Variants in BSPH1 observed in about 807,000 individuals in gnomAD.
BSPH1 encodes binder of sperm 1.
BSPH1 carries 21 observed loss-of-function variants against 22.5 expected under a neutral mutation model. That is an observed-to-expected ratio of 0.93 (90% CI 0.66 to 1.35). The LOEUF (loss-of-function observed/expected upper bound fraction) is 1.35, where lower values mean the gene tolerates loss of function less well. BSPH1 is among the 40% of genes most tolerant of loss of function. The pLI is 0.00. For synonymous variants in BSPH1, 42 were observed against 53.6 expected (o/e 0.78, Z 0.95); for missense variants, 141 against 154.2 (o/e 0.91, Z 0.45).
intron 1 of BSPH1, among the ~76,000 whole-genome samples, chr19:47,983,840 A>ATT (rs1568398378): frequency 3.4e-4 from 27 of 80,254 alleles, no homozygotes; most frequent in African/African-American, 1.5e-3. Flanking sequence ...TTTGAAGAGA[A>ATT]ATTTTTTTTT....
intron 1 of BSPH1, among the ~76,000 whole-genome samples, chr19:47,989,689 C>T (rs781123977): frequency 6.6e-6 from 1 of 152,120 alleles, no homozygotes; most frequent in Non-Finnish European, 1.5e-5. Flanking sequence ...TGAGTTCCCA[C>T]CTTCCGCTTA....
chr19:47,973,585 T>C (rs1343443203), intron 5 of BSPH1, among the ~76,000 whole-genome samples: 1 of 152,220 alleles, frequency 6.6e-6, no homozygotes, highest in Non-Finnish European at 1.5e-5. Context: ...AAATTCTGGT[T>C]CAACATTTGA....
intron 4 of BSPH1, among the ~76,000 whole-genome samples, 188 bp from the exon 5 acceptor site, chr19:47,977,042 C>T (rs781295952): frequency 3.9e-5 from 6 of 152,232 alleles, no homozygotes; most frequent in African/African-American, 9.6e-5. Context: ...CACACACACG[C>T]GCAAATACAC....
intron 5 of BSPH1, among the ~76,000 whole-genome samples, 154 bp from the exon 6 acceptor site, chr19:47,968,363 CTT>C (rs67184020): frequency 1.8e-3 from 249 of 141,018 alleles, no homozygotes; most frequent in African/African-American, 6.1e-3. Context: ...TCTCTTTTTT[CTT>C]TTTTTTTTTT....
intron 5 of BSPH1, among the ~76,000 whole-genome samples, chr19:47,969,592 G>T (rs541282474): frequency 7.7e-4 from 117 of 151,068 alleles, no homozygotes; most frequent in African/African-American, 2.7e-3. Flanking sequence ...ATGGTGAAAG[G>T]GTATTAACTA....
intron 1 of BSPH1, among the ~76,000 whole-genome samples, chr19:47,991,285 C>A (rs923957221): frequency 2.6e-5 from 4 of 152,122 alleles, no homozygotes; most frequent in Admixed American, 2.6e-4. Context: ...GTCAGACACT[C>A]GTGGTCGACC....
At chr19:47,972,160 T>C (rs1007924558) in intron 5 of BSPH1, among the ~76,000 whole-genome samples, 1 of 152,132 alleles carries the variant, frequency 6.6e-6, no homozygotes, top group African/African-American at 2.4e-5. Flanking sequence ...AAACGGTGAG[T>C]GGAATCTAAA....
At chr19:47,968,867 C>T (rs1230805904) in intron 5 of BSPH1, among the ~76,000 whole-genome samples, 2 of 151,382 alleles carry the variant, frequency 1.3e-5, no homozygotes, top group African/African-American at 4.9e-5. Context: ...GGCATGGTGG[C>T]GTGCACCTGT....
intron 1 of BSPH1, among the ~76,000 whole-genome samples, chr19:47,986,241 A>G (rs1969469428): frequency 6.6e-6 from 1 of 152,178 alleles, no homozygotes; most frequent in South Asian, 2.1e-4. Context: ...GTTCCATTCT[A>G]TGTTCAATGG....
chr19:47,974,269 CTTTTTTT>C lies in BSPH1; in HGVS notation c.*2+2434_*2+2440del, dbSNP rs558434334. On this transcript the variant is annotated intron_variant, in intron 5 of 5. Coordinates refer to ENST00000344839, the MANE Select transcript of BSPH1 (RefSeq NM_001128326.2). The stretch of plus-strand genomic sequence containing the variant: ...CCACAGCCACTTTCTCTCTCTCTCT[CTTTTTTT>C]TTTTTTTTTTTGAGATGGAGTCTTG... 5.9e-4 allele frequency among the ~76,000 whole-genome samples: 45 copies of C among 76,000 alleles called. No homozygotes were observed. In the South Asian group the frequency reaches 9.3e-3, roughly 16 times the overall value. The allele number at this position is 76,000 out of a possible 152,430, so 49.9% of individuals were successfully genotyped here. A position where few individuals can be genotyped will look rare whatever the true frequency, so the allele number is the denominator to read the frequency against.
chr19:47,989,391 G>A (rs1041645332), intron 1 of BSPH1, among the ~76,000 whole-genome samples: 10 of 151,774 alleles, frequency 6.6e-5, no homozygotes, highest in Admixed American at 2.6e-4. Flanking sequence ...TGATCCGCCC[G>A]CCTCGGCCTC....
intron 3 of BSPH1, among the ~76,000 whole-genome samples, chr19:47,978,044 A>G (rs1169734938): frequency 7.1e-6 from 1 of 140,896 alleles, no homozygotes; most frequent in Non-Finnish European, 1.6e-5. Context: ...ATAGGTGCAT[A>G]CACACATACA....
intron 4 of BSPH1, 44 bp downstream of exon 4, chr19:47,977,329 G>C: frequency 6.8e-7 from 1 of 1,478,750 alleles, no homozygotes. Context: ...CAGCCTCAGA[G>C]ACCAAGATTA....
intron 5 of BSPH1, among the ~76,000 whole-genome samples, chr19:47,970,319 G>A (rs1221939991): frequency 4.6e-5 from 7 of 152,062 alleles, no homozygotes; most frequent in South Asian, 4.1e-4. Flanking sequence ...TCAGCCTCCC[G>A]AAGTGCTGGG....
chr19:47,976,619 A>C, intron 5 of BSPH1, 91 bp downstream of exon 5: 1 of 823,986 alleles, frequency 1.2e-6, no homozygotes, highest in Non-Finnish European at 1.8e-6. Flanking sequence ...CTCTCTAATG[A>C]GAAAGGGTTC....
intron 1 of BSPH1, among the ~76,000 whole-genome samples, chr19:47,988,496 G>A (rs1390194109): frequency 1.3e-5 from 2 of 152,104 alleles, no homozygotes; most frequent in Non-Finnish European, 2.9e-5. Flanking sequence ...AGCTTGCCAG[G>A]AGCAGAGTTG....
intron 5 of BSPH1, among the ~76,000 whole-genome samples, chr19:47,973,567 G>A (rs544504575): frequency 6.6e-6 from 1 of 152,318 alleles, no homozygotes; most frequent in Non-Finnish European, 1.5e-5. Context: ...GAAAGGGGAA[G>A]CTGGTTGAAA....
intron 5 of BSPH1, among the ~76,000 whole-genome samples, chr19:47,974,174 G>A (rs897453453): frequency 1.3e-5 from 2 of 151,776 alleles, no homozygotes; most frequent in Non-Finnish European, 2.9e-5. Flanking sequence ...CCAATGGGAT[G>A]CACTGGCAGG....
At chr19:47,977,675 T>C (rs917878494) in intron 3 of BSPH1, 171 bp from the exon 4 acceptor site, 1 of 985,300 alleles carries the variant, frequency 1.0e-6, no homozygotes, top group Non-Finnish European at 1.2e-6. Context: ...ATGACAAAGC[T>C]CTTTTGTTTT....
Sources: gnomAD v4.1 joint callset for allele counts (sites outside exome capture counted in the v4.1 genomes callset) on GRCh38, gnomAD v4.1.1 for gene constraint, MANE v1.5 for transcripts, NCBI Gene and HGNC (gene_info 2026-07-23, HGNC 2026-07-21) for gene names.